The following RC3H2 variants were observed in gnomAD, a reference collection of about 807,000 sequenced individuals.
The protein encoded by RC3H2 is ring finger and CCCH-type domains 2, also known as roquin-2.
Under a neutral mutation model 133.3 loss-of-function variants are expected in RC3H2, and 31 were observed. The observed-to-expected ratio is 0.23, with a 90% CI of 0.17 to 0.31. RC3H2 has a LOEUF of 0.31. Ranked by LOEUF, RC3H2 falls within the 10% of genes least tolerant of loss-of-function variation. The pLI, the probability that RC3H2 is intolerant of heterozygous loss-of-function variation, is 1.00. For missense variants in RC3H2, 1,175 were observed against 1,437.2 expected (o/e 0.82, Z 2.95); for synonymous variants, 517 against 502.2 (o/e 1.03, Z -0.40).
intron 9 of RC3H2, among the ~76,000 whole-genome samples, chr9:122,877,221 C>T (rs903715253): frequency 2.0e-5 from 3 of 152,108 alleles, no homozygotes; most frequent in Non-Finnish European, 4.4e-5. Flanking sequence ...AACTGTGGGC[C>T]ACACAGCTAA....
intron 2 of RC3H2, among the ~76,000 whole-genome samples, chr9:122,894,025 C>G (rs536556118): frequency 9.2e-5 from 14 of 152,142 alleles, no homozygotes; most frequent in African/African-American, 2.9e-4. Context: ...TTTGGGAGGC[C>G]GAGGCAGGCG....
chr9:122,880,980 A>G (rs1352917020), intron 5 of RC3H2, among the ~76,000 whole-genome samples, 186 bp from the exon 6 acceptor site: 1 of 152,226 alleles, frequency 6.6e-6, no homozygotes, highest in East Asian at 1.9e-4. Flanking sequence ...TTACATAACT[A>G]AATACATAAT....
chr9:122,849,892 A>G (rs1829958007), intron 20 of RC3H2, 70 bp from the exon 21 acceptor site: 1 of 1,074,328 alleles, frequency 9.3e-7, no homozygotes, highest in Non-Finnish European at 1.3e-6. Flanking sequence ...GACTATACAT[A>G]TTTAATGAAA....
intron 9 of RC3H2, among the ~76,000 whole-genome samples, chr9:122,875,758 A>C (rs1356066778): frequency 6.6e-6 from 1 of 152,228 alleles, no homozygotes; most frequent in Non-Finnish European, 1.5e-5. Context: ...GGTGGGAAAG[A>C]GCACAGTGCA....
At chr9:122,859,888 T>C (rs2131396438) in intron 11 of RC3H2, 29 bp downstream of exon 11, 1 of 1,518,810 alleles carries the variant, frequency 6.6e-7, no homozygotes, top group Non-Finnish European at 9.1e-7. Flanking sequence ...ATGTTTCTTT[T>C]TTTCTTAGAA....
At position 122,860,111 on chromosome 9, in the gene RC3H2, T is replaced by G. The variant is rs1237714954; in HGVS notation, c.1655A>C (p.Lys552Thr). ...VTENKIGSPP[K>T]TPVSNVAATS... The stretch of plus-strand genomic sequence containing the variant: ...AGCTGCTACATTACTTACAGGAGTC[T>G]TGGGTGGAGAACCAATTTTACTGGA... Residue 552 changes from lysine to threonine, a missense_variant, in exon 11 of 21, where the codon AAG becomes ACG. Transcript: ENST00000357244. 1 of 1,614,066 alleles carries G rather than the reference T, an allele frequency of 6.2e-7. No homozygotes were observed. Among genetic ancestry groups the G allele is most frequent in the Non-Finnish European group, 8.5e-7 (1 of 1,179,958 alleles).
chr9:122,847,885 A>G lies in RC3H2; in HGVS notation c.*1742T>C, dbSNP rs896802851. 9.8e-5 allele frequency: 15 copies of G among 152,298 alleles called. No individual in the cohort carries two copies. Among genetic ancestry groups the G allele is most frequent in the African/African-American group, 2.9e-4 (12 of 41,578 alleles). The allele number at this position is 152,298 out of a possible 1,614,324, so 9.4% of individuals were successfully genotyped here. On this transcript the variant is annotated 3_prime_UTR_variant, in exon 21 of 21. Coordinates refer to ENST00000357244, the MANE Select transcript of RC3H2 (RefSeq NM_001100588.3). ...TAAGATCTTCCATACTGACACCAGA[A>G]TATCAAAACTACCCCTTTGTTTCTC...
rs777401348 is a variant in RC3H2 at position 122,879,759 on chromosome 9, G to A, written c.1208C>T (p.Pro403Leu). The A allele has an allele frequency of 1.9e-6, 3 of 1,593,492 alleles. No individual in the cohort carries two copies. In the African/African-American group the frequency reaches 4.0e-5, roughly 21 times the overall value. ...QNYSRKGHETPQPQPNSKYKT... is the reference protein window; with the variant it reads ...QNYSRKGHETLQPQPNSKYKT... ...AAATGTAATAAATGTACTTACCTGA[G>A]GGGTCTCATGGCCTTTTCTACTATA... Residue 403 changes from proline to leucine, a missense_variant, in exon 8 of 21, where the codon CCT (proline) becomes CTT (leucine). Around this residue, in one of 8 missense-constraint regions of RC3H2, gnomAD observed 131 missense variants for 154.2 expected, o/e 0.85. Transcript: ENST00000357244.
rs1829852173 is a variant in RC3H2 at position 122,845,594 on chromosome 9, G to A, written c.*4033C>T. 1 of 152,136 alleles carries A rather than the reference G, an allele frequency of 6.6e-6. No individual in the cohort carries two copies. The highest frequency in any genetic ancestry group is 1.5e-5 in the Non-Finnish European group (1 of 68,022). The allele number at this position is 152,136 out of a possible 1,614,324, so 9.4% of individuals were successfully genotyped here. The stretch of plus-strand genomic sequence containing the variant: ...GACTAGAAGGGAATAACTGCTCTTG[G>A]AGTAAAAATAAGACTCCACTCAAAT... On this transcript the variant is annotated 3_prime_UTR_variant, in exon 21 of 21. Transcript: ENST00000357244.
In RC3H2 at chr9:122,848,808, TA is replaced by T. The variant is rs1323671221; in HGVS notation, c.*818del. 6.6e-6 allele frequency: 1 copy of T among 152,200 alleles called. No homozygotes were observed. Among genetic ancestry groups the T allele is most frequent in the Non-Finnish European group, 1.5e-5 (1 of 68,024 alleles). 9.4% of individuals were successfully genotyped at this position (152,200 alleles called of 1,614,324 possible). A position where few individuals can be genotyped will look rare whatever the true frequency, so the allele number is the denominator to read the frequency against. ...GCATTTTAAAAAACTGCCATTACATTAGTGCATAATTTATCAAAATTGTAAA... is the reference window on the plus strand; with the variant it reads ...GCATTTTAAAAAACTGCCATTACATTGTGCATAATTTATCAAAATTGTAAA... On this transcript the variant is annotated 3_prime_UTR_variant, in exon 21 of 21. Coordinates refer to ENST00000357244, the MANE Select transcript of RC3H2 (RefSeq NM_001100588.3).
chr9:122,867,086 C>T (rs1017634577), intron 9 of RC3H2, among the ~76,000 whole-genome samples: 1 of 137,036 alleles, frequency 7.3e-6, no homozygotes, highest in Non-Finnish European at 1.6e-5. Flanking sequence ...GCGTCTCTGC[C>T]CAGCCGCCCC....
At position 122,855,220 on chromosome 9, in the gene RC3H2, A is replaced by G; in HGVS notation, c.2779T>C (p.Ser927Pro). ...ATGGGCTTAGTCGCACTTCCTTGGG[A>G]AGCAGTGGCCTGGACAGGATCTGTG... ...HTTDPVQATA[S>P]QGSATKPISV... is the part of the protein sequence containing the mutation. Residue 927 changes from serine (S) to proline (P), a missense_variant, in exon 15 of 21, where the codon TCC becomes CCC. By Grantham distance (74) the Ser-to-Pro change is moderately conservative. This residue lies in a region of RC3H2 where 138 missense variants were observed against 215.0 expected (regional missense o/e 0.64). Coordinates refer to ENST00000357244, the MANE Select transcript of RC3H2 (RefSeq NM_001100588.3). 2 of 1,614,006 alleles carry G rather than the reference A, an allele frequency of 1.2e-6. No individual in the cohort carries two copies. The highest frequency in any genetic ancestry group is 1.7e-6 in the Non-Finnish European group (2 of 1,180,026).
chr9:122,877,075 A>G (rs1018283291), intron 9 of RC3H2, among the ~76,000 whole-genome samples: 7 of 152,102 alleles, frequency 4.6e-5, no homozygotes, highest in African/African-American at 1.7e-4. Context: ...CCCAGATCTT[A>G]TATGTTTTGT....
At chr9:122,853,930 C>T (rs769048602) in intron 18 of RC3H2, 22 bp downstream of exon 18, 14 of 1,614,068 alleles carry the variant, frequency 8.7e-6, no homozygotes, top group Non-Finnish European at 1.1e-5. Flanking sequence ...AAGCATGAAG[C>T]CGAAAGGTTC....
chr9:122,879,729 G>A, intron 8 of RC3H2, 26 bp downstream of exon 8: 1 of 1,459,108 alleles, frequency 6.9e-7, no homozygotes. Context: ...GACAACAGCA[G>A]TCAGAAATGT....
At chr9:122,871,310 T>C (rs923833891) in intron 9 of RC3H2, among the ~76,000 whole-genome samples, 1 of 152,176 alleles carries the variant, frequency 6.6e-6, no homozygotes, top group Non-Finnish European at 1.5e-5. Flanking sequence ...CTTCTTTTTT[T>C]TTTTTGAGAC....
At chr9:122,859,252 C>CTTATTTTT (rs1830367275) in intron 11 of RC3H2, 150 bp from the exon 12 acceptor site, 1 of 179,744 alleles carries the variant, frequency 5.6e-6, no homozygotes, top group Non-Finnish European at 8.4e-6. Context: ...TATACCCTGG[C>CTTATTTTT]TTTTTTTTTT....
intron 9 of RC3H2, among the ~76,000 whole-genome samples, chr9:122,870,633 C>T (rs1831046266): frequency 6.6e-6 from 1 of 152,168 alleles, no homozygotes; most frequent in African/African-American, 2.4e-5. Flanking sequence ...GCCTAGACTG[C>T]CTTAAATCCT....
chr9:122,897,052 G>C (rs1365984708), intron 2 of RC3H2, among the ~76,000 whole-genome samples: 2 of 136,574 alleles, frequency 1.5e-5, no homozygotes, highest in Non-Finnish European at 3.1e-5. Flanking sequence ...AAAAAAAAAG[G>C]CCACATAAGA....
Sources: allele counts gnomAD v4.1 joint callset (sites outside exome capture counted in the v4.1 genomes callset), GRCh38; gene constraint gnomAD v4.1.1; regional missense constraint gnomAD v4.1.1; transcripts MANE v1.5; gene names NCBI Gene and HGNC (gene_info 2026-07-23, HGNC 2026-07-21).